SRPX: variants seen among roughly 807,000 people sequenced by gnomAD.
SRPX encodes the protein sushi repeat containing protein X-linked, also known as sushi repeat-containing protein SRPX.
Under a neutral mutation model 38.1 loss-of-function variants are expected in SRPX, and 24 were observed. That is an observed-to-expected ratio of 0.63 (90% CI 0.46 to 0.89). The LOEUF (loss-of-function observed/expected upper bound fraction) is 0.89. Among genes scored for constraint, SRPX ranks in the 40% least tolerant of loss-of-function variants. The probability of loss-of-function intolerance (pLI) is 0.00; values close to 1 mark genes in which losing one functional copy is unlikely to be tolerated. For synonymous variants in SRPX, 184 were observed against 153.8 expected, an observed-to-expected ratio of 1.20 and a Z score of -1.45; for missense variants, 416 against 377.8, an observed-to-expected ratio of 1.10 and a Z score of -0.84.
At chrX:38,218,581 C>A (rs1939456293) in intron 1 of SRPX, among the ~76,000 whole-genome samples, 1 of 112,383 alleles carries the variant, frequency 8.9e-6, no homozygotes, top group South Asian at 3.7e-4. Flanking sequence ...GTTACATAAT[C>A]GACTTGCTGA....
At chrX:38,201,595 G>T (rs1396756057) in intron 1 of SRPX, among the ~76,000 whole-genome samples, 2 of 111,660 alleles carry the variant, frequency 1.8e-5, no homozygotes, top group Admixed American at 1.9e-4. Context: ...ACTTTGGGAG[G>T]CCGAGGTGGG....
At chrX:38,213,473 A>G (rs999074222) in intron 1 of SRPX, among the ~76,000 whole-genome samples, 3 of 111,824 alleles carry the variant, frequency 2.7e-5, no homozygotes, top group African/African-American at 9.8e-5. Flanking sequence ...GAGGGCAAGG[A>G]CTGACACTGA....
intron 1 of SRPX, among the ~76,000 whole-genome samples, chrX:38,204,850 C>G (rs918726751): frequency 8.0e-5 from 9 of 112,224 alleles, no homozygotes; most frequent in Non-Finnish European, 1.3e-4. Context: ...TCTTACATAT[C>G]AATAGTACCA....
rs1199369270 is a variant in SRPX at position 38,210,258 on chromosome X, T to C, written c.97+10438A>G. 4.5e-5 allele frequency among the ~76,000 whole-genome samples: 5 copies of C among 112,018 alleles called. No individual in the cohort carries two copies. In the East Asian group the frequency reaches 1.4e-3, roughly 31 times the overall value. ...AGGTTCCCAGGAGATGCTGCTGCTGTTGCTGCTGGTCTACAGACCCCACTT... is the reference window on the plus strand; with the variant it reads ...AGGTTCCCAGGAGATGCTGCTGCTGCTGCTGCTGGTCTACAGACCCCACTT... On this transcript the variant is annotated intron_variant, in intron 1 of 9. Coordinates refer to ENST00000378533, the MANE Select transcript of SRPX (RefSeq NM_006307.5).
chrX:38,161,164 A>G lies in SRPX; in HGVS notation c.654-110T>C, dbSNP rs972110748. 9.0e-6 allele frequency: 8 copies of G among 888,551 alleles called. No homozygotes were observed. In the East Asian group the frequency reaches 2.7e-4, roughly 30 times the overall value. 73.2% of individuals were successfully genotyped at this position (888,551 alleles called of 1,213,427 possible). ...GGAGAGACTGAGGGGCAACCATTAG[A>G]CCAGTTTAAATAAAACAAAAATTTC... On this transcript the variant is annotated intron_variant, in intron 5 of 9. Coordinates refer to ENST00000378533, the MANE Select transcript of SRPX (RefSeq NM_006307.5).
intron 1 of SRPX, among the ~76,000 whole-genome samples, chrX:38,186,111 T>C (rs1212218662): frequency 2.7e-5 from 3 of 111,436 alleles, no homozygotes; most frequent in African/African-American, 9.8e-5. Flanking sequence ...CCATATCTCT[T>C]TTGAAGTCAA....
intron 1 of SRPX, among the ~76,000 whole-genome samples, chrX:38,211,695 G>C (rs1321973368): frequency 9.2e-6 from 1 of 108,736 alleles, no homozygotes; most frequent in Non-Finnish European, 1.9e-5. Flanking sequence ...GCAAGACTCG[G>C]TCAAAAAAAA....
At chrX:38,161,424 G>A (rs1180401758) in intron 5 of SRPX, among the ~76,000 whole-genome samples, 1 of 104,328 alleles carries the variant, frequency 9.6e-6, no homozygotes. Context: ...GGAAGACGAG[G>A]GAATTTTCTG....
At chrX:38,184,154 G>A (rs1174344328) in intron 1 of SRPX, among the ~76,000 whole-genome samples, 1 of 111,260 alleles carries the variant, frequency 9.0e-6, no homozygotes, top group East Asian at 2.8e-4. Context: ...CACGCCATAA[G>A]GTTTCTCACC....
Position 38,164,910 on chromosome X carries a change from A to G in SRPX, c.527-15T>C, listed in dbSNP as rs746247236. On this transcript the variant is annotated splice_polypyrimidine_tract_variant and intron_variant, in intron 4 of 9. Coordinates refer to ENST00000378533, the MANE Select transcript of SRPX (RefSeq NM_006307.5). ...AGGTTCCATATCTGAAAATATAACC[A>G]AAACATTCTCATCATCATCAAGAAA... The G allele has an allele frequency of 3.7e-5, 45 of 1,202,591 alleles. No homozygotes were observed. The highest frequency in any genetic ancestry group is 2.3e-4 in the South Asian group (13 of 55,615).
chrX:38,174,331 T>A lies in SRPX; in HGVS notation c.178A>T (p.Ile60Phe). The A allele has an allele frequency of 9.5e-7, 1 of 1,051,074 alleles. No individual in the cohort carries two copies. Among genetic ancestry groups the A allele is most frequent in the East Asian group, 3.6e-5 (1 of 27,575 alleles). The allele number at this position is 1,051,074 out of a possible 1,213,427, so 86.6% of individuals were successfully genotyped here. A position where few individuals can be genotyped will look rare whatever the true frequency, so the allele number is the denominator to read the frequency against. ...TACACATCCCCATACTTCACCTTGA[T>A]GGGGGAGCACCACGGGGTATCTACA... is the stretch of plus-strand genomic sequence containing the variant. Reference protein sequence around the residue: ...RYKDTPWCSPIKVKYGDVYCR... With the variant: ...RYKDTPWCSPFKVKYGDVYCR... Residue 60 changes from isoleucine (I) to phenylalanine (F), a missense_variant, in exon 3 of 10, where the codon ATC becomes TTC. Coordinates refer to ENST00000378533, the MANE Select transcript of SRPX (RefSeq NM_006307.5).
chrX:38,208,766 C>T (rs1355603021), intron 1 of SRPX, among the ~76,000 whole-genome samples: 1 of 109,515 alleles, frequency 9.1e-6, no homozygotes, highest in Non-Finnish European at 1.9e-5. Context: ...GCAGCCTTGA[C>T]CACCTGGGTT....
At position 38,154,457 on chromosome X, in the gene SRPX, C is replaced by A. The variant is rs370480493; in HGVS notation, c.1211+5G>T. 8.3e-7 allele frequency: 1 copy of A among 1,201,101 alleles called. No individual in the cohort carries two copies. Among genetic ancestry groups the A allele is most frequent in the African/African-American group, 1.7e-5 (1 of 57,618 alleles). ...ATAAGATTTAAGAACAGAACTTCCC[C>A]CTACCTGAGCTGCAGCGCTAGGGCT... On this transcript the variant is annotated splice_donor_5th_base_variant and intron_variant, in intron 9 of 9. Transcript: ENST00000378533.
At chrX:38,192,771 C>A (rs191098284) in intron 1 of SRPX, among the ~76,000 whole-genome samples, 1 of 112,062 alleles carries the variant, frequency 8.9e-6, no homozygotes, top group East Asian at 2.8e-4. Flanking sequence ...AGGACCAAGG[C>A]AGGCTGTCTG....
rs1461217010 is a variant in SRPX at position 38,149,558 on chromosome X, ATGCTAATTTTTAAG to A, written c.*139_*152del. 3 of 528,064 alleles carry A rather than the reference ATGCTAATTTTTAAG, an allele frequency of 5.7e-6. No homozygotes were observed. The highest frequency in any genetic ancestry group is 8.5e-6 in the Non-Finnish European group (3 of 352,764). The allele number at this position is 528,064 out of a possible 1,213,427, so 43.5% of individuals were successfully genotyped here. On this transcript the variant is annotated 3_prime_UTR_variant, in exon 10 of 10. Transcript: ENST00000378533. Reference sequence around the variant, plus strand: ...AACACTTCCAAGTACAAAAAGCAGCATGCTAATTTTTAAGTGCAAAGAAAGCTCATAATAAAATA... The same window carrying A: ...AACACTTCCAAGTACAAAAAGCAGCATGCAAAGAAAGCTCATAATAAAATA...
At chrX:38,158,258 C>T (rs757132112) in intron 7 of SRPX, among the ~76,000 whole-genome samples, 113 of 111,758 alleles carry the variant, frequency 1.0e-3, no homozygotes, top group African/African-American at 3.4e-3. Context: ...TGGGACAAGG[C>T]GGTTTTATAA....
chrX:38,211,624 T>C (rs761877019), intron 1 of SRPX, among the ~76,000 whole-genome samples: 1 of 110,224 alleles, frequency 9.1e-6, no homozygotes, highest in East Asian at 2.8e-4. Flanking sequence ...CTCTTGAACC[T>C]TGGAGGTGGA....
At chrX:38,169,232 A>C (rs1446092727) in intron 4 of SRPX, among the ~76,000 whole-genome samples, 1 of 112,370 alleles carries the variant, frequency 8.9e-6, no homozygotes, top group Non-Finnish European at 1.9e-5. Context: ...GGAAGAATTT[A>C]GCACAATTTA....
chrX:38,158,588 C>A (rs745798468), intron 7 of SRPX, among the ~76,000 whole-genome samples: 1 of 111,563 alleles, frequency 9.0e-6, no homozygotes, highest in Non-Finnish European at 1.9e-5. Flanking sequence ...CTGCCCTCTT[C>A]CCTGCCCCAG....
Sources: gnomAD v4.1 joint callset for allele counts (sites outside exome capture counted in the v4.1 genomes callset) on GRCh38, gnomAD v4.1.1 for gene constraint, MANE v1.5 for transcripts, NCBI Gene and HGNC (gene_info 2026-07-23, HGNC 2026-07-21) for gene names.